The following JMJD1C variants were observed in gnomAD, a reference collection of about 807,000 sequenced individuals.
JMJD1C encodes jumonji domain-containing protein 1C.
Under a neutral mutation model 245.3 loss-of-function variants are expected in JMJD1C, and 31 were observed. The observed-to-expected ratio is 0.13, with a 90% CI of 0.09 to 0.17. The LOEUF (loss-of-function observed/expected upper bound fraction) is 0.17, where lower values mean the gene tolerates loss of function less well. Ranked by LOEUF, JMJD1C falls within the 10% of genes least tolerant of loss-of-function variation. JMJD1C has a pLI of 1.00. For missense variants in JMJD1C, 2,691 were observed against 3,000.2 expected (o/e 0.90, Z 2.41); for synonymous variants, 1,057 against 1,017.4 (o/e 1.04, Z -0.74).
intron 2 of JMJD1C, among the ~76,000 whole-genome samples, chr10:63,344,734 C>CA (rs201749589): frequency 0.079 from 11,777 of 149,386 alleles, 673 homozygotes; most frequent in East Asian, 0.29. Flanking sequence ...AGCATGTCTC[C>CA]AAAAAAAAAA....
At chr10:63,242,945 G>T (rs945111308) in intron 3 of JMJD1C, among the ~76,000 whole-genome samples, 1 of 151,382 alleles carries the variant, frequency 6.6e-6, no homozygotes, top group African/African-American at 2.4e-5. Flanking sequence ...AAATTTAAGT[G>T]GTTAAGTGGT....
At chr10:63,370,730 A>G (rs747738162) in intron 2 of JMJD1C, among the ~76,000 whole-genome samples, 2 of 152,242 alleles carry the variant, frequency 1.3e-5, no homozygotes, top group Non-Finnish European at 2.9e-5. Context: ...TATTAAGGAC[A>G]GTTTTTTAAA....
chr10:63,486,760 T>C (rs1432041039), intron 1 of JMJD1C, among the ~76,000 whole-genome samples: 1 of 152,284 alleles, frequency 6.6e-6, no homozygotes, highest in East Asian at 1.9e-4. Flanking sequence ...CTCACTTTCC[T>C]CAGAAATCTA....
intron 2 of JMJD1C, among the ~76,000 whole-genome samples, chr10:63,315,401 G>A (rs550539665): frequency 1.3e-5 from 2 of 152,174 alleles, no homozygotes; most frequent in South Asian, 4.2e-4. Context: ...AATTTGTTTA[G>A]GGTAACTTTT....
intron 1 of JMJD1C, among the ~76,000 whole-genome samples, chr10:63,455,605 T>C (rs551084461): frequency 2.0e-5 from 3 of 151,598 alleles, no homozygotes; most frequent in East Asian, 3.9e-4. Context: ...CAGATTCAGA[T>C]TTTTTTTTCA....
intron 1 of JMJD1C, among the ~76,000 whole-genome samples, chr10:63,412,493 A>G (rs1166459103): frequency 6.6e-6 from 1 of 152,222 alleles, no homozygotes; most frequent in Non-Finnish European, 1.5e-5. Context: ...TGGAGATGTC[A>G]GCATCACACT....
At chr10:63,274,027 A>T (rs1856562488) in intron 2 of JMJD1C, among the ~76,000 whole-genome samples, 1 of 152,208 alleles carries the variant, frequency 6.6e-6, no homozygotes, top group African/African-American at 2.4e-5. Flanking sequence ...AAAATTATAC[A>T]GACTCAAAAA....
chr10:63,505,912 G>A (rs913497572), intron 1 of JMJD1C, among the ~76,000 whole-genome samples: 2 of 141,340 alleles, frequency 1.4e-5, no homozygotes, highest in Admixed American at 1.4e-4. Context: ...TGACATCCAT[G>A]AGAAGGCAAA....
chr10:63,369,863 G>A (rs1299524045), intron 2 of JMJD1C, among the ~76,000 whole-genome samples: 1 of 152,096 alleles, frequency 6.6e-6, no homozygotes, highest in African/African-American at 2.4e-5. Context: ...TTGTTTGCCT[G>A]GAGGCTTTGG....
chr10:63,521,082 T>A (rs1322125857), intron 1 of JMJD1C, among the ~76,000 whole-genome samples: 2 of 149,740 alleles, frequency 1.3e-5, no homozygotes, highest in Non-Finnish European at 3.0e-5. Context: ...TACCCTCCAG[T>A]ACCCTTCCTC....
At chr10:63,358,865 C>G (rs1030523886) in intron 2 of JMJD1C, 1 of 153,506 alleles carries the variant, frequency 6.5e-6, no homozygotes, top group African/African-American at 2.4e-5. Flanking sequence ...ACATTTAAAA[C>G]AGTTTTGATT....
chr10:63,189,350 T>G lies in JMJD1C; in HGVS notation c.6388A>C (p.Asn2130His), dbSNP rs749634942. 1.2e-6 allele frequency: 2 copies of G among 1,613,900 alleles called. No homozygotes were observed. Among genetic ancestry groups the G allele is most frequent in the South Asian group, 2.2e-5 (2 of 91,076 alleles). The change falls in exon 18 of 26, where the codon AAT becomes CAT. Residue 2130 changes from asparagine (N) to histidine (H), a missense_variant. Around this residue, in one of 9 missense-constraint regions of JMJD1C, gnomAD observed 275 missense variants for 285.5 expected, o/e 0.96. Transcript: ENST00000399262. ...TCTTCTTTAAGCTCTGGTTTTACAT[T>G]TATCTTGGAGGTTTTACTTGGTGGA... ...KIPPSKTSKI[N>H]VKPELKEEPE...
intron 3 of JMJD1C, among the ~76,000 whole-genome samples, chr10:63,247,054 T>C (rs1589273386): frequency 7.6e-6 from 1 of 131,530 alleles, no homozygotes; most frequent in African/African-American, 2.6e-5. Context: ...AATCCAAAAT[T>C]AGTAGTAAGA....
At chr10:63,489,124 G>A (rs1954088110) in intron 1 of JMJD1C, among the ~76,000 whole-genome samples, 1 of 152,186 alleles carries the variant, frequency 6.6e-6, no homozygotes, top group Non-Finnish European at 1.5e-5. Context: ...ATGAGGCCGG[G>A]CGCAGTGGCT....
At chr10:63,368,243 A>G (rs1785211114) in intron 2 of JMJD1C, among the ~76,000 whole-genome samples, 1 of 152,190 alleles carries the variant, frequency 6.6e-6, no homozygotes, top group African/African-American at 2.4e-5. Context: ...TGAAATATAT[A>G]TACTGTCCTG....
intron 2 of JMJD1C, among the ~76,000 whole-genome samples, chr10:63,366,345 C>T (rs2134397784): frequency 6.6e-6 from 1 of 152,246 alleles, no homozygotes; most frequent in Non-Finnish European, 1.5e-5. Context: ...AGAGGGCAAT[C>T]AGAAACTCTA....
At chr10:63,423,683 G>A (rs1950262241) in intron 1 of JMJD1C, among the ~76,000 whole-genome samples, 1 of 152,262 alleles carries the variant, frequency 6.6e-6, no homozygotes, top group South Asian at 2.1e-4. Flanking sequence ...TGAGTCATAT[G>A]GTAATTCCAT....
intron 1 of JMJD1C, among the ~76,000 whole-genome samples, chr10:63,459,214 T>TA (rs1266189055): frequency 1.3e-5 from 2 of 152,166 alleles, no homozygotes; most frequent in Non-Finnish European, 2.9e-5. Context: ...AAGCTCTACT[T>TA]AAAAAATGAG....
chr10:63,329,051 G>T (rs1305258688), intron 2 of JMJD1C, among the ~76,000 whole-genome samples: 2 of 152,150 alleles, frequency 1.3e-5, no homozygotes, highest in Non-Finnish European at 2.9e-5. Flanking sequence ...AAAGGCTGAG[G>T]TGGGAGAACT....
Sources: allele counts gnomAD v4.1 joint callset (sites outside exome capture counted in the v4.1 genomes callset), GRCh38; gene constraint gnomAD v4.1.1; regional missense constraint gnomAD v4.1.1; transcripts MANE v1.5; gene names NCBI Gene and HGNC (gene_info 2026-07-23, HGNC 2026-07-21).